The following DNAH9 variants were observed in gnomAD, a reference collection of about 807,000 sequenced individuals.
The protein encoded by DNAH9 is dynein axonemal heavy chain 9, also known as DNAH9 variant protein.
DNAH9 carries 345 observed loss-of-function variants against 471.6 expected under a neutral mutation model. The observed-to-expected ratio is 0.73, with a 90% CI of 0.67 to 0.80. The LOEUF (loss-of-function observed/expected upper bound fraction) is 0.80. DNAH9 is among the 30% of genes least tolerant of loss of function. DNAH9 has a pLI of 0.00. For synonymous variants in DNAH9, 2,093 were observed against 2,123.6 expected, an observed-to-expected ratio of 0.99 and a Z score of 0.40; for missense variants, 5,407 against 5,609.2, an observed-to-expected ratio of 0.96 and a Z score of 1.15.
intron 45 of DNAH9, among the ~76,000 whole-genome samples, chr17:11,818,553 G>A (rs1204112784): frequency 2.6e-5 from 4 of 152,044 alleles, no homozygotes; most frequent in South Asian, 4.1e-4. Context: ...AAGCATGTGT[G>A]AACAGCTTTT....
chr17:11,746,335 G>A (rs2075523716), intron 31 of DNAH9, among the ~76,000 whole-genome samples: 1 of 152,162 alleles, frequency 6.6e-6, no homozygotes, highest in African/African-American at 2.4e-5. Context: ...GAAATAAAGA[G>A]CTGCAGACAC....
intron 29 of DNAH9, among the ~76,000 whole-genome samples, chr17:11,741,521 C>A (rs2150835092): frequency 6.6e-6 from 1 of 152,288 alleles, no homozygotes; most frequent in Middle Eastern, 3.4e-3. Context: ...ACAGGATACA[C>A]CCTAGGTGTC....
At chr17:11,742,534 TA>T (rs1487902770) in intron 30 of DNAH9, among the ~76,000 whole-genome samples, 1 of 152,190 alleles carries the variant, frequency 6.6e-6, no homozygotes, top group Non-Finnish European at 1.5e-5. Context: ...CTCCATTTTG[TA>T]ATAGAATACT....
chr17:11,627,314 C>A (rs1388678865), intron 6 of DNAH9, among the ~76,000 whole-genome samples: 1 of 152,158 alleles, frequency 6.6e-6, no homozygotes, highest in Admixed American at 6.5e-5. Flanking sequence ...CTCCCTAGAC[C>A]ATGCTTTAAG....
chr17:11,929,393 G>T (rs1252374792), intron 62 of DNAH9, among the ~76,000 whole-genome samples: 1 of 152,114 alleles, frequency 6.6e-6, no homozygotes, highest in Non-Finnish European at 1.5e-5. Context: ...CAGGGAGCTT[G>T]TTAGAAATGC....
At chr17:11,658,493 C>A (rs2073695175) in intron 14 of DNAH9, among the ~76,000 whole-genome samples, 1 of 151,144 alleles carries the variant, frequency 6.6e-6, no homozygotes, top group Non-Finnish European at 1.5e-5. Context: ...TTTTTTATGT[C>A]TTTTTTTTTC....
chr17:11,727,500 A>G (rs946793023), intron 27 of DNAH9, among the ~76,000 whole-genome samples: 1 of 152,204 alleles, frequency 6.6e-6, no homozygotes, highest in African/African-American at 2.4e-5. Flanking sequence ...TTTTGTCTGT[A>G]TAGCATAAGA....
intron 61 of DNAH9, among the ~76,000 whole-genome samples, chr17:11,913,501 G>A (rs1185509594): frequency 2.0e-5 from 3 of 151,978 alleles, no homozygotes; most frequent in African/African-American, 7.2e-5. Flanking sequence ...ACAATTTATT[G>A]TCCGGGCACG....
chr17:11,620,552 A>G (rs1221080917), intron 6 of DNAH9, among the ~76,000 whole-genome samples: 1 of 151,520 alleles, frequency 6.6e-6, no homozygotes, highest in Admixed American at 6.6e-5. Context: ...AATAGTTGTC[A>G]TTTGGATTGA....
intron 55 of DNAH9, chr17:11,883,123 G>T: frequency 1.0e-6 from 1 of 990,686 alleles, no homozygotes; most frequent in Non-Finnish European, 1.2e-6. Flanking sequence ...GTCTGCCATG[G>T]TTTTACACAG....
At chr17:11,773,530 CTT>C (rs1968301733) in intron 38 of DNAH9, among the ~76,000 whole-genome samples, 1 of 151,876 alleles carries the variant, frequency 6.6e-6, no homozygotes, top group Non-Finnish European at 1.5e-5. Flanking sequence ...AATTTACTCA[CTT>C]ATATGATTTT....
At chr17:11,872,491 T>G (rs1373128535) in intron 52 of DNAH9, among the ~76,000 whole-genome samples, 2 of 151,988 alleles carry the variant, frequency 1.3e-5, no homozygotes, top group Non-Finnish European at 2.9e-5. Context: ...TCGCATCACT[T>G]CTAGCAACCC....
intron 17 of DNAH9, among the ~76,000 whole-genome samples, chr17:11,674,196 A>G (rs920126143): frequency 3.3e-5 from 5 of 152,188 alleles, no homozygotes; most frequent in East Asian, 1.9e-4. Flanking sequence ...TTGCTGTAAG[A>G]ACTCTTATAT....
At position 11,822,062 on chromosome 17, in the gene DNAH9, G is replaced by C. The variant is rs2150940766; in HGVS notation, c.8850G>C (p.Lys2950Asn). Residue 2950 changes from lysine (K) to asparagine (N), a missense_variant and splice_region_variant, in exon 46 of 69, where the codon AAG becomes AAC. Around this residue, in one of 3 missense-constraint regions of DNAH9, gnomAD observed 4,636 missense variants for 4,900.3 expected, o/e 0.95. Coordinates refer to ENST00000262442, the MANE Select transcript of DNAH9 (RefSeq NM_001372.4). ...TAGATCGGATCCGGCGACAGCTGAAGGTAAAGAGCATTTACTGACAGGGGC... is the reference window on the plus strand; with the variant it reads ...TAGATCGGATCCGGCGACAGCTGAACGTAAAGAGCATTTACTGACAGGGGC... ...FFIDRIRRQLKVTLCFSPVGN... is the reference protein window; with the variant it reads ...FFIDRIRRQLNVTLCFSPVGN... 1.2e-6 allele frequency: 2 copies of C among 1,609,926 alleles called. No homozygotes were observed. The highest frequency in any genetic ancestry group is 4.5e-5 in the East Asian group (2 of 44,862).
chr17:11,622,620 G>A (rs1050692423), intron 6 of DNAH9, among the ~76,000 whole-genome samples: 1 of 152,138 alleles, frequency 6.6e-6, no homozygotes, highest in African/African-American at 2.4e-5. Context: ...CATGACCCCA[G>A]GCCCTGTGCA....
At chr17:11,688,616 G>A (rs2074280145) in intron 19 of DNAH9, among the ~76,000 whole-genome samples, 2 of 152,222 alleles carry the variant, frequency 1.3e-5, no homozygotes. Context: ...AATCACCTGT[G>A]GAGTGCATCT....
intron 29 of DNAH9, 136 bp from the exon 30 acceptor site, chr17:11,742,039 G>C (rs767286080): frequency 1.8e-5 from 13 of 707,446 alleles, no homozygotes; most frequent in Non-Finnish European, 3.2e-5. Flanking sequence ...TGAAATAATG[G>C]CTCAGGTCTT....
chr17:11,653,795 C>T (rs1261337059), intron 14 of DNAH9, among the ~76,000 whole-genome samples: 1 of 152,136 alleles, frequency 6.6e-6, no homozygotes. Context: ...AAGAGTCCCT[C>T]AAGTTGATTT....
intron 19 of DNAH9, among the ~76,000 whole-genome samples, chr17:11,683,508 A>C (rs1290674467): frequency 6.6e-6 from 1 of 152,212 alleles, no homozygotes; most frequent in Non-Finnish European, 1.5e-5. Flanking sequence ...AAAGAAAAAA[A>C]TTCAAAGATG....
Sources: allele counts gnomAD v4.1 joint callset (sites outside exome capture counted in the v4.1 genomes callset), GRCh38; gene constraint gnomAD v4.1.1; regional missense constraint gnomAD v4.1.1; transcripts MANE v1.5; gene names NCBI Gene and HGNC (gene_info 2026-07-23, HGNC 2026-07-21).